PCDHGA12: variants seen among roughly 807,000 people sequenced by gnomAD.
The protein encoded by PCDHGA12 is protocadherin gamma-A12.
A neutral mutation model predicts 61.1 loss-of-function variants in PCDHGA12; 43 were observed. The ratio of observed to expected loss-of-function variants is 0.70; its 90% CI spans 0.55 to 0.91. The LOEUF (loss-of-function observed/expected upper bound fraction) is 0.91. Ranked by LOEUF, PCDHGA12 falls within the 40% of genes least tolerant of loss-of-function variation. PCDHGA12 has a pLI of 0.00. For synonymous variants in PCDHGA12, 520 were observed against 542.9 expected (o/e 0.96, Z 0.59); for missense variants, 1,236 against 1,227.7 (o/e 1.01, Z -0.10).
intron 1 of PCDHGA12, among the ~76,000 whole-genome samples, chr5:141,464,019 C>A (rs1285414825): frequency 2.0e-5 from 3 of 151,984 alleles, no homozygotes; most frequent in African/African-American, 4.8e-5. Context: ...TAATCCCACA[C>A]TTTGGGAGGC....
intron 1 of PCDHGA12, among the ~76,000 whole-genome samples, chr5:141,450,564 G>A (rs1397334260): frequency 2.0e-5 from 3 of 151,932 alleles, no homozygotes; most frequent in African/African-American, 7.3e-5. Context: ...TCGGCTCACT[G>A]CAACTTCTGC....
In PCDHGA12 at chr5:141,432,330, A is replaced by G. The variant is rs760184218; in HGVS notation, c.1571A>G (p.Gln524Arg). 82 of 1,614,134 alleles carry G rather than the reference A, an allele frequency of 5.1e-5. No individual in the cohort carries two copies. The highest frequency in any genetic ancestry group is 6.8e-5 in the Non-Finnish European group (80 of 1,180,048). Reference sequence around the variant, plus strand: ...GCGCTGAGCTCCTTCGACTACGAGCAGTTCCGAGACTTGCAAGTGAAAGTG... The same window carrying G: ...GCGCTGAGCTCCTTCGACTACGAGCGGTTCCGAGACTTGCAAGTGAAAGTG... ...LYALSSFDYE[Q>R]FRDLQVKVMA... The change falls in exon 1 of 4, where the codon CAG (glutamine) becomes CGG (arginine). Residue 524 changes from glutamine to arginine, a missense_variant. Transcript: ENST00000252085. The surrounding 1 kb of genome is among the most constrained non-coding windows in gnomAD (Gnocchi z 6.0).
chr5:141,464,517 G>A lies in PCDHGA12; in HGVS notation c.2425-30290G>A, dbSNP rs1487703873. 2.0e-5 allele frequency among the ~76,000 whole-genome samples: 3 copies of A among 151,862 alleles called. No individual in the cohort carries two copies. In the South Asian group the frequency reaches 6.2e-4, roughly 32 times the overall value. On this transcript the variant is annotated intron_variant, in intron 1 of 3. Transcript: ENST00000252085. ...GTGATTGCTGCATCATAAGGTAAAG[G>A]CATATGTAGTTTTGTTAAATATAGC...
chr5:141,488,633 A>G (rs2099677537), intron 1 of PCDHGA12, among the ~76,000 whole-genome samples: 1 of 152,174 alleles, frequency 6.6e-6, no homozygotes, highest in South Asian at 2.1e-4. Context: ...TCACCTTAGC[A>G]GCATTCAGCA....
Position 141,505,427 on chromosome 5 carries a change from A to G in PCDHGA12, c.2518A>G (p.Asn840Asp), listed in dbSNP as rs1453435374. Reference protein sequence around the residue: ...QNGDDTGTWPNNQFDTEMLQA... With the variant: ...QNGDDTGTWPDNQFDTEMLQA... The stretch of plus-strand genomic sequence containing the variant: ...TGGCGATGACACCGGCACCTGGCCC[A>G]ACAACCAGTTTGACACAGAGATGCT... The change falls in exon 3 of 4, where the codon AAC (asparagine) becomes GAC (aspartate). Residue 840 changes from asparagine to aspartate, a missense_variant. Physicochemically the swap from Asn to Asp is conservative, Grantham distance 23 (BLOSUM62 1). Coordinates refer to ENST00000252085, the MANE Select transcript of PCDHGA12 (RefSeq NM_003735.3). 1 of 1,614,230 alleles carries G rather than the reference A, an allele frequency of 6.2e-7. No individual in the cohort carries two copies. Among genetic ancestry groups the G allele is most frequent in the East Asian group, 2.2e-5 (1 of 44,878 alleles).
chr5:141,439,652 T>G (rs1047430832), intron 1 of PCDHGA12, among the ~76,000 whole-genome samples: 1 of 152,208 alleles, frequency 6.6e-6, no homozygotes, highest in African/African-American at 2.4e-5. Context: ...GTGGCTTTTC[T>G]AATTTCATGG....
intron 1 of PCDHGA12, among the ~76,000 whole-genome samples, chr5:141,465,347 G>A (rs2099101721): frequency 6.6e-6 from 1 of 151,938 alleles, no homozygotes; most frequent in South Asian, 2.1e-4. Context: ...GGTTACTGAA[G>A]AAAAAATGGG....
Position 141,494,855 on chromosome 5 carries a change from G to A in PCDHGA12, c.2473G>A (p.Gly825Ser), listed in dbSNP as rs200418116. The A allele has an allele frequency of 4.8e-4, 774 of 1,614,092 alleles. 7 individuals carry two copies. The South Asian group carries it at 5.1e-3, about 11-fold the overall frequency. ...GCGTTTCTCTCAGGCCCAGAGACCC[G>A]GCACCAGCGGGTAGGTGACTGATTC... is the stretch of plus-strand genomic sequence containing the variant. ...DWRFSQAQRP[G>S]TSGSQNGDDT... Residue 825 changes from glycine (G) to serine (S), a missense_variant, in exon 2 of 4, where the codon GGC becomes AGC. Coordinates refer to ENST00000252085, the MANE Select transcript of PCDHGA12 (RefSeq NM_003735.3).
chr5:141,443,309 C>T (rs2098379780), intron 1 of PCDHGA12, among the ~76,000 whole-genome samples: 1 of 131,436 alleles, frequency 7.6e-6, no homozygotes, highest in African/African-American at 3.4e-5. Flanking sequence ...GGCAAAAACC[C>T]ATCTCTACAA....
At chr5:141,501,516 C>T (rs763346187) in intron 2 of PCDHGA12, among the ~76,000 whole-genome samples, 1 of 152,010 alleles carries the variant, frequency 6.6e-6, no homozygotes, top group African/African-American at 2.4e-5. Context: ...GGCCTCCAAG[C>T]TGAAGCCCAG....
chr5:141,439,310 A>G lies in PCDHGA12; in HGVS notation c.2424+6127A>G, dbSNP rs775009481. ...TCCATGGAAAAAGTAAAGCCCAGGCATGGAAGTGGGAATGGAAAGAAAGAT... is the reference window on the plus strand; with the variant it reads ...TCCATGGAAAAAGTAAAGCCCAGGCGTGGAAGTGGGAATGGAAAGAAAGAT... On this transcript the variant is annotated intron_variant, in intron 1 of 3. Transcript: ENST00000252085. 1.6e-4 allele frequency among the ~76,000 whole-genome samples: 24 copies of G among 152,320 alleles called. No homozygotes were observed. In the South Asian group the frequency reaches 4.1e-3, roughly 26 times the overall value.
chr5:141,475,013 G>C (rs950376592), intron 1 of PCDHGA12, among the ~76,000 whole-genome samples: 1 of 152,176 alleles, frequency 6.6e-6, no homozygotes, highest in Non-Finnish European at 1.5e-5. Flanking sequence ...AAAAGTTAAG[G>C]CTCTTTATTC....
At chr5:141,459,891 CT>C (rs1405964049) in intron 1 of PCDHGA12, among the ~76,000 whole-genome samples, 1 of 152,158 alleles carries the variant, frequency 6.6e-6, no homozygotes, top group African/African-American at 2.4e-5. Flanking sequence ...TGAACGCCTT[CT>C]TAAAATTGAG....
Position 141,485,581 on chromosome 5 carries a change from G to C in PCDHGA12, c.2425-9226G>C. The C allele has an allele frequency of 6.2e-7, 1 of 1,612,458 alleles. No individual in the cohort carries two copies. The highest frequency in any genetic ancestry group is 8.5e-7 in the Non-Finnish European group (1 of 1,178,652). ...ATCACGCCCCCCGTTTTCCGCGGCA[G>C]CAGCTGGACTTGGAAATTGGGGAGG... On this transcript the variant is annotated intron_variant, in intron 1 of 3. Coordinates refer to ENST00000252085, the MANE Select transcript of PCDHGA12 (RefSeq NM_003735.3). This position sits in a 1 kb window ranked among gnomAD's most constrained non-coding sequence, Gnocchi z 5.7.
Position 141,476,115 on chromosome 5 carries a change from A to G in PCDHGA12, c.2425-18692A>G. 1 of 1,592,814 alleles carries G rather than the reference A, an allele frequency of 6.3e-7. No homozygotes were observed. The highest frequency in any genetic ancestry group is 8.5e-7 in the Non-Finnish European group (1 of 1,171,734). On this transcript the variant is annotated intron_variant, in intron 1 of 3. Coordinates refer to ENST00000252085, the MANE Select transcript of PCDHGA12 (RefSeq NM_003735.3). This position sits in a 1 kb window ranked among gnomAD's most constrained non-coding sequence, Gnocchi z 7.6. ...CGCTGAGAGGAACTGCTTTTGAGTG[A>G]GATGGTCCCAGAGGCCTGGAGGAGC...
Position 141,490,446 on chromosome 5 carries a change from C to T in PCDHGA12, c.2425-4361C>T, listed in dbSNP as rs779502898. 2.5e-6 allele frequency: 4 copies of T among 1,614,196 alleles called. No homozygotes were observed. The highest frequency in any genetic ancestry group is 3.4e-6 in the Non-Finnish European group (4 of 1,180,016). ...CATTTCAGATTAAGCCTTCTGAGAA[C>T]CACTACTCGCTGCTAACCAGCCAGC... On this transcript the variant is annotated intron_variant, in intron 1 of 3. Coordinates refer to ENST00000252085, the MANE Select transcript of PCDHGA12 (RefSeq NM_003735.3). The surrounding 1 kb of genome is among the most constrained non-coding windows in gnomAD (Gnocchi z 5.4).
At chr5:141,494,654 G>A in intron 1 of PCDHGA12, 153 bp from the exon 2 acceptor site, 1 of 966,640 alleles carries the variant, frequency 1.0e-6, no homozygotes, top group South Asian at 4.8e-5. Context: ...GGTGTATTTT[G>A]TCTTTGGAGA....
At chr5:141,478,050 C>G (rs2099429383) in intron 1 of PCDHGA12, 2 of 1,614,184 alleles carry the variant, frequency 1.2e-6, no homozygotes, top group South Asian at 2.2e-5. Context: ...CAGACTCTCA[C>G]GGTCTTGATC....
In PCDHGA12 at chr5:141,485,423, C is replaced by A; in HGVS notation, c.2425-9384C>A. On this transcript the variant is annotated intron_variant, in intron 1 of 3. Transcript: ENST00000252085. This position sits in a 1 kb window ranked among gnomAD's most constrained non-coding sequence, Gnocchi z 5.7. Reference sequence around the variant, plus strand: ...CCGTGTGGATTTGGACAGCGGAGCCCTGCTCATCAAGAACCCAATCGACCG... The same window carrying A: ...CCGTGTGGATTTGGACAGCGGAGCCATGCTCATCAAGAACCCAATCGACCG... 1 of 1,614,204 alleles carries A rather than the reference C, an allele frequency of 6.2e-7. No homozygotes were observed. The highest frequency in any genetic ancestry group is 8.5e-7 in the Non-Finnish European group (1 of 1,180,036).
Sources: gnomAD v4.1 joint callset for allele counts (sites outside exome capture counted in the v4.1 genomes callset) on GRCh38, gnomAD v4.1.1 for gene constraint, Gnocchi (gnomAD v3.1) non-coding constraint, MANE v1.5 for transcripts, NCBI Gene and HGNC (gene_info 2026-07-23, HGNC 2026-07-21) for gene names.